IGF2R: variants seen among roughly 807,000 people sequenced by gnomAD.
IGF2R encodes the protein insulin like growth factor 2 receptor.
In IGF2R, 91 loss-of-function variants were observed where a neutral mutation model predicts 270.6. That is an observed-to-expected ratio of 0.34 (90% confidence interval 0.28 to 0.40). The LOEUF (loss-of-function observed/expected upper bound fraction) is 0.40, where lower values mean the gene tolerates loss of function less well. IGF2R is among the 10% of genes least tolerant of loss of function. The pLI, the probability that IGF2R is intolerant of heterozygous loss-of-function variation, is 1.00. For synonymous variants in IGF2R, 1,316 were observed against 1,258.9 expected (o/e 1.05, Z -0.96); for missense variants, 2,805 against 3,188.3 (o/e 0.88, Z 2.90).
chr6:160,064,613 C>A, intron 28 of IGF2R, 82 bp downstream of exon 28: 1 of 1,461,902 alleles, frequency 6.8e-7, no homozygotes, highest in East Asian at 2.3e-5. Flanking sequence ...AATCTGTCCT[C>A]AGATCTCATC....
rs1277537720 is a variant in IGF2R, at chr6:160,110,877, C to T, written c.*5793C>T. 1 of 152,216 alleles carries T rather than the reference C, an allele frequency of 6.6e-6. No homozygotes were observed. Among genetic ancestry groups the T allele is most frequent in the African/African-American group, 2.4e-5 (1 of 41,446 alleles). 9.4% of individuals were successfully genotyped at this position (152,216 alleles called of 1,614,324 possible). A position where few individuals can be genotyped will look rare whatever the true frequency, so the allele number is the denominator to read the frequency against. Reference sequence around the variant, plus strand: ...ATGTGGAATCTAAAAAGGTTGGACTCAGAAGCAGAGAGTGGAATGGTGGTT... The same window carrying T: ...ATGTGGAATCTAAAAAGGTTGGACTTAGAAGCAGAGAGTGGAATGGTGGTT... On this transcript the variant is annotated 3_prime_UTR_variant, in exon 48 of 48. Coordinates refer to ENST00000356956, the MANE Select transcript of IGF2R (RefSeq NM_000876.4).
At position 160,089,258 on chromosome 6, in the gene IGF2R, G is replaced by A. The variant is rs1158186876; in HGVS notation, c.6467+5G>A. On this transcript the variant is annotated splice_donor_5th_base_variant and intron_variant, in intron 43 of 47. Coordinates refer to ENST00000356956, the MANE Select transcript of IGF2R (RefSeq NM_000876.4). ...CCTCGGAGATATTTATTTTAAGTAA[G>A]TAAAACGTTTTCCTTCTGAGCTGTG... is the stretch of plus-strand genomic sequence containing the variant. The A allele has an allele frequency of 6.2e-7, 1 of 1,603,050 alleles. No individual in the cohort carries two copies. Among genetic ancestry groups the A allele is most frequent in the African/African-American group, 1.3e-5 (1 of 74,566 alleles).
chr6:160,039,959 G>A (rs1031081857), intron 10 of IGF2R, among the ~76,000 whole-genome samples: 21 of 152,144 alleles, frequency 1.4e-4, no homozygotes, highest in Admixed American at 1.2e-3. Context: ...GTGCACTGAC[G>A]GAACCACAGA....
At chr6:160,024,817 C>A in intron 5 of IGF2R, 113 bp downstream of exon 5, 3 of 1,210,106 alleles carry the variant, frequency 2.5e-6, no homozygotes, top group Non-Finnish European at 3.5e-6. Context: ...TCTGATTAGG[C>A]CCTCTAATAA....
intron 1 of IGF2R, among the ~76,000 whole-genome samples, chr6:159,969,956 A>ATAT (rs1554233563): frequency 1.3e-5 from 2 of 151,304 alleles, no homozygotes; most frequent in African/African-American, 2.4e-5. Flanking sequence ...ATATATATAT[A>ATAT]TTTTTAGCAG....
chr6:160,093,694 T>C (rs1272939129), intron 44 of IGF2R: 2 of 756,796 alleles, frequency 2.6e-6, no homozygotes, highest in South Asian at 1.3e-5. Flanking sequence ...TTGAGGATAA[T>C]GAAAAGAGCA....
chr6:160,026,960 GT>G lies in IGF2R; in HGVS notation c.647-222del, dbSNP rs1172694400. Reference sequence around the variant, plus strand: ...TTGATTACAAATAACATCATAACCTGTTTCCTGTGCACCTCTTATATACCAG... The same window carrying G: ...TTGATTACAAATAACATCATAACCTGTTCCTGTGCACCTCTTATATACCAG... On this transcript the variant is annotated intron_variant, in intron 5 of 47. Transcript: ENST00000356956. Among the ~76,000 whole-genome samples, 7 of 152,294 alleles carry G rather than the reference GT, an allele frequency of 4.6e-5. No individual in the cohort carries two copies. The East Asian group carries it at 1.2e-3, about 25-fold the overall frequency.
Position 160,107,953 on chromosome 6 carries a change from C to G in IGF2R, c.*2869C>G, listed in dbSNP as rs901105429. On this transcript the variant is annotated 3_prime_UTR_variant, in exon 48 of 48. Coordinates refer to ENST00000356956, the MANE Select transcript of IGF2R (RefSeq NM_000876.4). ...GACCTTCACACGACTAAGATGCCAC[C>G]TGGTGATTAAAGAACACTTTGGGCT... The G allele has an allele frequency of 2.6e-5, 4 of 152,212 alleles. No homozygotes were observed. Among genetic ancestry groups the G allele is most frequent in the Admixed American group, 6.5e-5 (1 of 15,284 alleles). The allele number at this position is 152,212 out of a possible 1,614,324, so 9.4% of individuals were successfully genotyped here. A position where few individuals can be genotyped will look rare whatever the true frequency, so the allele number is the denominator to read the frequency against.
intron 37 of IGF2R, 26 bp from the exon 38 acceptor site, chr6:160,079,554 G>T: frequency 7.1e-7 from 1 of 1,400,624 alleles, no homozygotes; most frequent in South Asian, 1.8e-5. Flanking sequence ...CCACTCTGCT[G>T]ACGGCCACGC....
intron 2 of IGF2R, among the ~76,000 whole-genome samples, chr6:159,992,096 A>G (rs924682106): frequency 3.9e-5 from 6 of 152,216 alleles, no homozygotes; most frequent in Admixed American, 1.3e-4. Context: ...TTTGACCACA[A>G]TGGATGCTCG....
intron 24 of IGF2R, 31 bp from the exon 25 acceptor site, chr6:160,061,722 C>T (rs1458237612): frequency 6.2e-7 from 1 of 1,613,766 alleles, no homozygotes; most frequent in East Asian, 2.2e-5. Context: ...TCGCCTTCCT[C>T]ATGCCCAAAC....
chr6:160,062,532 G>A lies in IGF2R; in HGVS notation c.3583G>A (p.Gly1195Ser). The A allele has an allele frequency of 1.2e-6, 2 of 1,609,814 alleles. No homozygotes were observed. The highest frequency in any genetic ancestry group is 1.7e-6 in the Non-Finnish European group (2 of 1,176,274). Residue 1195 changes from glycine (G) to serine (S), a missense_variant and splice_region_variant, in exon 26 of 48, where the codon GGC becomes AGC. This residue lies in a region of IGF2R where 1,851 missense variants were observed against 2,207.2 expected (regional missense o/e 0.84). Transcript: ENST00000356956. Reference sequence around the variant, plus strand: ...ATCAGGCTGCTGATTTATATTACAGGGCTCACCAGCATTTCAGCTTCAGGA... The same window carrying A: ...ATCAGGCTGCTGATTTATATTACAGAGCTCACCAGCATTTCAGCTTCAGGA... ...RITFECAQIS[G>S]SPAFQLQDGC...
At chr6:160,036,069 C>CGG (rs1164274315) in intron 10 of IGF2R, among the ~76,000 whole-genome samples, 1 of 152,146 alleles carries the variant, frequency 6.6e-6, no homozygotes, top group Non-Finnish European at 1.5e-5. Context: ...GACCCTGGAA[C>CGG]GGTGAGTGTG....
chr6:160,085,222 A>G (rs1779074691), intron 41 of IGF2R, 91 bp downstream of exon 41: 10 of 1,400,764 alleles, frequency 7.1e-6, no homozygotes, highest in Non-Finnish European at 9.8e-6. Context: ...GAGAGTGAGC[A>G]TGTGCTTTGG....
intron 37 of IGF2R, 130 bp downstream of exon 37, chr6:160,078,492 C>T: frequency 1.2e-6 from 1 of 840,378 alleles, no homozygotes; most frequent in African/African-American, 1.7e-5. Context: ...TGGGCAGCAT[C>T]TTGGTGCTCT....
At chr6:159,971,309 G>A (rs1166588416) in intron 1 of IGF2R, among the ~76,000 whole-genome samples, 1 of 152,176 alleles carries the variant, frequency 6.6e-6, no homozygotes, top group Non-Finnish European at 1.5e-5. Context: ...GTGGAACACG[G>A]CCTCTTGGTC....
intron 43 of IGF2R, 27 bp from the exon 44 acceptor site, chr6:160,089,889 T>G (rs1779181162): frequency 6.7e-7 from 1 of 1,494,666 alleles, no homozygotes; most frequent in African/African-American, 1.4e-5. Flanking sequence ...GACTTCCATG[T>G]CACTGTGATC....
At chr6:160,069,796 A>G (rs977323567) in intron 30 of IGF2R, 72 bp from the exon 31 acceptor site, 1 of 1,398,498 alleles carries the variant, frequency 7.2e-7, no homozygotes, top group African/African-American at 1.4e-5. Flanking sequence ...TGTGACATTT[A>G]TTGCCTGATG....
rs749360670 is a variant in IGF2R at position 160,104,669 on chromosome 6, G to C, written c.7066-5G>C. ...CACGTGGTCTCTGCTGTTGATCCCTGGCAGGTGAATAAGGAAGAAGAGACA... is the reference window on the plus strand; with the variant it reads ...CACGTGGTCTCTGCTGTTGATCCCTCGCAGGTGAATAAGGAAGAAGAGACA... On this transcript the variant is annotated splice_region_variant and splice_polypyrimidine_tract_variant and intron_variant, in intron 47 of 47. Coordinates refer to ENST00000356956, the MANE Select transcript of IGF2R (RefSeq NM_000876.4). The C allele has an allele frequency of 6.2e-7, 1 of 1,608,866 alleles. No individual in the cohort carries two copies. The highest frequency in any genetic ancestry group is 1.7e-5 in the Admixed American group (1 of 59,816).
Sources: allele counts gnomAD v4.1 joint callset (sites outside exome capture counted in the v4.1 genomes callset), GRCh38; gene constraint gnomAD v4.1.1; regional missense constraint gnomAD v4.1.1; transcripts MANE v1.5; gene names NCBI Gene and HGNC (gene_info 2026-07-23, HGNC 2026-07-21).